The following ESRRG variants were observed in gnomAD, a reference collection of about 807,000 sequenced individuals.
ESRRG encodes estrogen related receptor gamma, also known as estrogen-related receptor gamma.
ESRRG carries 13 observed loss-of-function variants against 44.0 expected under a neutral mutation model. That is an observed-to-expected ratio of 0.30 (90% CI 0.19 to 0.47). The LOEUF (loss-of-function observed/expected upper bound fraction) is 0.47, where lower values mean the gene tolerates loss of function less well. Ranked by LOEUF, ESRRG falls within the 20% of genes least tolerant of loss-of-function variation. ESRRG has a pLI of 1.00. For missense variants in ESRRG, 395 were observed against 580.6 expected (o/e 0.68, Z 3.29); for synonymous variants, 215 against 214.6 (o/e 1.00, Z -0.02).
At chr1:217,099,064 T>C (rs1405296054) in intron 1 of ESRRG, among the ~76,000 whole-genome samples, 1 of 152,234 alleles carries the variant, frequency 6.6e-6, no homozygotes, top group Non-Finnish European at 1.5e-5. Flanking sequence ...TCGTCTTCTA[T>C]GTCTGTAAGC....
intron 1 of ESRRG, among the ~76,000 whole-genome samples, chr1:217,016,252 A>C (rs1463514963): frequency 6.6e-6 from 1 of 152,140 alleles, no homozygotes; most frequent in Non-Finnish European, 1.5e-5. Context: ...CATTATTTGT[A>C]CATTTTTAAT....
intron 1 of ESRRG, among the ~76,000 whole-genome samples, chr1:216,717,353 T>A (rs1158556597): frequency 6.6e-6 from 1 of 151,812 alleles, no homozygotes; most frequent in African/African-American, 2.4e-5. Context: ...GAAATTATTT[T>A]ATTAGCTTAG....
At chr1:216,800,341 A>G (rs1576681214) in intron 2 of ESRRG, among the ~76,000 whole-genome samples, 1 of 152,194 alleles carries the variant, frequency 6.6e-6, no homozygotes, top group East Asian at 1.9e-4. Context: ...GCCACTGTAC[A>G]CTGAAAAATT....
rs1049967129 is a variant in ESRRG, at chr1:216,564,478, T to G, written c.701-98A>C. 4.3e-6 allele frequency: 4 copies of G among 922,944 alleles called. No individual in the cohort carries two copies. In the African/African-American group the frequency reaches 6.8e-5, roughly 16 times the overall value. 57.2% of individuals were successfully genotyped at this position (922,944 alleles called of 1,614,324 possible). ...TGTGTTTTGAAAAACAATCCAAATA[T>G]CCTACAATAAACGCTAAATATTCCA... On this transcript the variant is annotated intron_variant, in intron 4 of 6. Coordinates refer to ENST00000408911, the MANE Select transcript of ESRRG (RefSeq NM_001438.4).
At chr1:217,098,736 A>G (rs1214489446) in intron 1 of ESRRG, among the ~76,000 whole-genome samples, 6 of 152,214 alleles carry the variant, frequency 3.9e-5, no homozygotes, top group Admixed American at 1.3e-4. Context: ...TGTGCCTACA[A>G]TCATTCTAAG....
chr1:216,729,985 G>A (rs2088385395), intron 2 of ESRRG, among the ~76,000 whole-genome samples: 1 of 152,168 alleles, frequency 6.6e-6, no homozygotes, highest in South Asian at 2.1e-4. Context: ...GGGATTATGA[G>A]TCCAGCTTGG....
intron 5 of ESRRG, 132 bp from the exon 6 acceptor site, chr1:216,519,553 ATT>A: frequency 1.2e-6 from 1 of 862,418 alleles, no homozygotes. Context: ...AGCTCTTAAA[ATT>A]TTCCCTGGAT....
chr1:216,907,989 C>G (rs1025654), intron 2 of ESRRG, among the ~76,000 whole-genome samples: 88,300 of 150,142 alleles, frequency 0.59, 25,859 homozygotes, highest in East Asian at 0.75. Context: ...TGAATAAAAT[C>G]TTAAGAAGAA....
intron 3 of ESRRG, among the ~76,000 whole-genome samples, chr1:216,606,564 T>G (rs2059960419): frequency 6.6e-6 from 1 of 152,064 alleles, no homozygotes; most frequent in South Asian, 2.1e-4. Context: ...CTTGCAGAGA[T>G]AAGCTAAACA....
chr1:216,911,794 GT>G lies in ESRRG; in HGVS notation c.-14+27787del, dbSNP rs566953002. ...ATTAAAAAAAGAAAAGACAGGCTGG[GT>G]GTGGCGGCATATGCCTGTAATCCTA... is the stretch of plus-strand genomic sequence containing the variant. On this transcript the variant is annotated intron_variant, in intron 2 of 7. Transcript: ENST00000359162. Among the ~76,000 whole-genome samples, 165 of 152,216 alleles carry G rather than the reference GT, an allele frequency of 1.1e-3. 1 individual carries two copies. The South Asian group carries it at 0.017, about 16-fold the overall frequency.
intron 2 of ESRRG, among the ~76,000 whole-genome samples, chr1:216,670,675 T>C (rs1026615112): frequency 5.3e-5 from 8 of 152,170 alleles, no homozygotes; most frequent in Non-Finnish European, 1.0e-4. Flanking sequence ...GAAGCTAGAC[T>C]GGACTAAACT....
chr1:216,529,145 A>G (rs1173991601), intron 5 of ESRRG, among the ~76,000 whole-genome samples: 1 of 152,136 alleles, frequency 6.6e-6, no homozygotes, highest in Non-Finnish European at 1.5e-5. Flanking sequence ...TGCTGTGGGA[A>G]CCTGCATAAC....
In ESRRG at chr1:216,762,315, A is replaced by G. The variant is rs374564506; in HGVS notation, c.-13-84824T>C. 2.0e-5 allele frequency among the ~76,000 whole-genome samples: 3 copies of G among 152,110 alleles called. No homozygotes were observed. In the South Asian group the frequency reaches 6.2e-4, roughly 31 times the overall value. ...GACTTGGAACCAACCCAAATGTCCA[A>G]CAATGATAGACTGGATTAAGAAAAT... is the stretch of plus-strand genomic sequence containing the variant. On this transcript the variant is annotated intron_variant, in intron 2 of 7. Transcript: ENST00000359162.
At chr1:216,613,211 T>G (rs2060913907) in intron 3 of ESRRG, among the ~76,000 whole-genome samples, 1 of 152,176 alleles carries the variant, frequency 6.6e-6, no homozygotes, top group South Asian at 2.1e-4. Context: ...ATTGGAAAAT[T>G]TCTACATAAA....
intron 2 of ESRRG, among the ~76,000 whole-genome samples, chr1:216,808,306 T>A (rs1259613643): frequency 1.3e-5 from 2 of 152,180 alleles, no homozygotes; most frequent in Non-Finnish European, 2.9e-5. Flanking sequence ...GAACTTGGGT[T>A]ACTTGGAAGG....
intron 1 of ESRRG, among the ~76,000 whole-genome samples, chr1:217,008,566 T>A (rs1432360641): frequency 6.6e-6 from 1 of 152,344 alleles, no homozygotes. Context: ...CTGTGAGAAC[T>A]CTTGGAGTAG....
chr1:216,621,899 C>T (rs560959311), intron 3 of ESRRG, among the ~76,000 whole-genome samples: 1 of 152,228 alleles, frequency 6.6e-6, no homozygotes, highest in Non-Finnish European at 1.5e-5. Context: ...TGATGAGGGC[C>T]CTCATTGTTT....
intron 2 of ESRRG, among the ~76,000 whole-genome samples, chr1:216,768,475 T>TATC (rs1336713141): frequency 2.0e-5 from 3 of 149,766 alleles, no homozygotes; most frequent in East Asian, 2.0e-4. Flanking sequence ...TCTATCTATC[T>TATC]ATCTATCTAT....
chr1:216,801,028 G>C (rs1576687986), intron 2 of ESRRG, among the ~76,000 whole-genome samples: 1 of 151,922 alleles, frequency 6.6e-6, no homozygotes, highest in South Asian at 2.1e-4. Context: ...AATATGTTTT[G>C]ATATACATAT....
Sources: gnomAD v4.1 joint callset for allele counts (sites outside exome capture counted in the v4.1 genomes callset) on GRCh38, gnomAD v4.1.1 for gene constraint, MANE v1.5 for transcripts, NCBI Gene and HGNC (gene_info 2026-07-23, HGNC 2026-07-21) for gene names.